Variants in C12orf42 observed in about 807,000 individuals in gnomAD.
The protein encoded by C12orf42 is uncharacterized protein C12orf42.
C12orf42 carries 25 observed loss-of-function variants against 21.6 expected under a neutral mutation model. The observed-to-expected ratio is 1.16, with a 90% CI of 0.84 to 1.62. The LOEUF (loss-of-function observed/expected upper bound fraction) is 1.62. Among genes scored for constraint, C12orf42 ranks in the 40% most tolerant of loss-of-function variants. The pLI, the probability that C12orf42 is intolerant of heterozygous loss-of-function variation, is 0.00. For missense variants in C12orf42, 483 were observed against 459.3 expected (o/e 1.05, Z -0.47); for synonymous variants, 174 against 175.0 (o/e 0.99, Z 0.05).
the C12orf42 span, among the ~76,000 whole-genome samples, chr12:103,514,619 C>A: frequency 6.6e-6 from 1 of 152,100 alleles, no homozygotes; most frequent in Non-Finnish European, 1.5e-5. Context: ...GGCTTTTGAA[C>A]AGAGAAAATA....
chr12:103,432,571 G>A (rs1354444451), intron 2 of C12orf42, among the ~76,000 whole-genome samples: 1 of 152,222 alleles, frequency 6.6e-6, no homozygotes, highest in Non-Finnish European at 1.5e-5. Context: ...GAGAGAGATA[G>A]TATGTAATGC....
chr12:103,225,918 C>T, the C12orf42 span, among the ~76,000 whole-genome samples: 1 of 152,240 alleles, frequency 6.6e-6, no homozygotes, highest in African/African-American at 2.4e-5. Flanking sequence ...AAGGGGCTTC[C>T]TAGGCGATCG....
At chr12:103,199,371 A>G in the C12orf42 span, among the ~76,000 whole-genome samples, 1 of 152,310 alleles carries the variant, frequency 6.6e-6, no homozygotes, top group East Asian at 1.9e-4. Flanking sequence ...TAATTCCTGA[A>G]AATAAGCATA....
the C12orf42 span, among the ~76,000 whole-genome samples, chr12:103,141,616 G>A: frequency 1.4e-5 from 2 of 147,504 alleles, no homozygotes; most frequent in African/African-American, 5.1e-5. Flanking sequence ...TGCAACCTCT[G>A]CCTCCCAGTT....
At chr12:103,296,790 T>G (rs914046850) in intron 4 of C12orf42, among the ~76,000 whole-genome samples, 6 of 152,224 alleles carry the variant, frequency 3.9e-5, no homozygotes, top group African/African-American at 1.4e-4. Flanking sequence ...TGCAAAAAAT[T>G]TTATCCCATT....
intron 2 of C12orf42, among the ~76,000 whole-genome samples, chr12:103,437,342 G>T (rs1950809272): frequency 6.6e-6 from 1 of 151,986 alleles, no homozygotes. Flanking sequence ...ACAATTAAAA[G>T]AACTAAAAAA....
At chr12:103,048,039 G>A in the C12orf42 span, among the ~76,000 whole-genome samples, 1 of 152,182 alleles carries the variant, frequency 6.6e-6, no homozygotes, top group Non-Finnish European at 1.5e-5. Context: ...CTTTTACCAG[G>A]AGGGAAATAA....
At chr12:103,410,353 C>T (rs2048740470) in intron 2 of C12orf42, among the ~76,000 whole-genome samples, 1 of 152,216 alleles carries the variant, frequency 6.6e-6, no homozygotes, top group South Asian at 2.1e-4. Context: ...AATCTCTATG[C>T]TTGTCTGAAA....
intron 4 of C12orf42, among the ~76,000 whole-genome samples, chr12:103,317,220 C>T (rs2039598971): frequency 6.6e-6 from 1 of 152,206 alleles, no homozygotes; most frequent in African/African-American, 2.4e-5. Context: ...CTCAGGCACT[C>T]TGCTAAGTAT....
chr12:103,274,715 T>C (rs761323801), intron 5 of C12orf42, among the ~76,000 whole-genome samples: 1 of 152,206 alleles, frequency 6.6e-6, no homozygotes, highest in Non-Finnish European at 1.5e-5. Context: ...ATTTACTGAA[T>C]AAATGAATCC....
chr12:103,472,255 C>T (rs1363572919), intron 2 of C12orf42, among the ~76,000 whole-genome samples: 1 of 151,834 alleles, frequency 6.6e-6, no homozygotes. Flanking sequence ...GGGGTTTCAC[C>T]GTGTTAGCCA....
chr12:103,330,212 A>T (rs982276987), intron 4 of C12orf42, among the ~76,000 whole-genome samples: 16 of 152,228 alleles, frequency 1.1e-4, no homozygotes, highest in Non-Finnish European at 1.3e-4. Context: ...GTTACTTTTA[A>T]TAATCTATTT....
chr12:103,392,138 G>A (rs1001655274), intron 3 of C12orf42, among the ~76,000 whole-genome samples: 9 of 152,120 alleles, frequency 5.9e-5, no homozygotes, highest in African/African-American at 2.2e-4. Context: ...GACCATACAT[G>A]TAAGAGTTTA....
At chr12:103,527,929 A>T in the C12orf42 span, among the ~76,000 whole-genome samples, 2 of 152,270 alleles carry the variant, frequency 1.3e-5, no homozygotes, top group Non-Finnish European at 2.9e-5. Flanking sequence ...CTGGGTTTAG[A>T]CAATGGGATA....
intron 4 of C12orf42, among the ~76,000 whole-genome samples, chr12:103,314,414 T>C (rs1320770694): frequency 5.3e-5 from 8 of 152,172 alleles, no homozygotes; most frequent in Admixed American, 5.2e-4. Flanking sequence ...AGGATCTGTT[T>C]ACCTAGAGCA....
chr12:103,363,786 G>A (rs1399914814), intron 4 of C12orf42, among the ~76,000 whole-genome samples: 1 of 151,934 alleles, frequency 6.6e-6, no homozygotes, highest in Non-Finnish European at 1.5e-5. Context: ...TATCCAACAG[G>A]AAAATATCAC....
chr12:103,119,816 C>G, the C12orf42 span, among the ~76,000 whole-genome samples: 1 of 152,224 alleles, frequency 6.6e-6, no homozygotes, highest in Non-Finnish European at 1.5e-5. Context: ...TCTTTTACCT[C>G]GAAGCCAACC....
At chr12:103,267,959 T>G (rs1593243902), downstream of C12orf42, 1 of 152,098 alleles carries the variant, frequency 6.6e-6, no homozygotes, top group Non-Finnish European at 1.5e-5. Context: ...TATATTAGAC[T>G]CTACTTTTCA....
chr12:103,256,105 TATATATACACAC>T (rs1332781159), intron 10 of C12orf42, among the ~76,000 whole-genome samples: 91 of 37,832 alleles, frequency 2.4e-3, no homozygotes, highest in African/African-American at 6.0e-3. Context: ...TATATATATA[TATATATACACAC>T]ACACACACAC....
Sources: allele counts gnomAD v4.1 joint callset (sites outside exome capture counted in the v4.1 genomes callset), GRCh38; gene constraint gnomAD v4.1.1; transcripts MANE v1.5; gene names NCBI Gene and HGNC (gene_info 2026-07-23, HGNC 2026-07-21).